CLPSL2: variants seen among roughly 807,000 people sequenced by gnomAD.
CLPSL2 encodes the protein colipase-like protein 2.
Under a neutral mutation model 7.9 loss-of-function variants are expected in CLPSL2, and 4 were observed. The ratio of observed to expected loss-of-function variants is 0.50; its 90% CI spans 0.25 to 1.15. The LOEUF (loss-of-function observed/expected upper bound fraction) is 1.15. Ranked by LOEUF, CLPSL2 falls within the 50% of genes most tolerant of loss-of-function variation. CLPSL2 has a pLI of 0.15. For synonymous variants in CLPSL2, 67 were observed against 53.1 expected (o/e 1.26, Z -1.14); for missense variants, 132 against 136.6 (o/e 0.97, Z 0.17).
Position 35,776,709 on chromosome 6 carries a change from C to T in CLPSL2, c.84+7C>T, listed in dbSNP as rs1333805286. On this transcript the variant is annotated splice_region_variant and intron_variant, in intron 1 of 2. Coordinates refer to ENST00000403376, the MANE Select transcript of CLPSL2 (RefSeq NM_207409.4). ...GCTTCCGCAATATAAAAAGGTGAGC[C>T]GGGGAGCGCGCCCAGCCGGCCGCGA... 1.1e-4 allele frequency: 146 copies of T among 1,386,666 alleles called. No individual in the cohort carries two copies. The highest frequency in any genetic ancestry group is 1.3e-4 in the Non-Finnish European group (137 of 1,074,914). The allele number at this position is 1,386,666 out of a possible 1,614,324, so 85.9% of individuals were successfully genotyped here.
At chr6:35,778,602 T>C (rs547713741) in intron 2 of CLPSL2, among the ~76,000 whole-genome samples, 2 of 152,316 alleles carry the variant, frequency 1.3e-5, no homozygotes, top group South Asian at 2.1e-4. Context: ...TGGTTGTCAC[T>C]CGCTTTTAGG....
intron 1 of CLPSL2, 115 bp downstream of exon 1, chr6:35,776,817 C>A: frequency 1.1e-6 from 1 of 945,400 alleles, no homozygotes; most frequent in Non-Finnish European, 1.4e-6. Context: ...GGGTCCGGAA[C>A]CACACCCAGG....
intron 2 of CLPSL2, 90 bp downstream of exon 2, chr6:35,777,671 C>A (rs1767871849): frequency 1.4e-6 from 2 of 1,407,140 alleles, no homozygotes; most frequent in Non-Finnish European, 1.9e-6. Flanking sequence ...TGTTTTTTCA[C>A]CTCTGTCTGG....
At position 35,776,608 on chromosome 6, in the gene CLPSL2, C is replaced by G; in HGVS notation, c.-11C>G. On this transcript the variant is annotated 5_prime_UTR_variant, in exon 1 of 3. Transcript: ENST00000403376. ...CCTCGGAACCCCGCCGCTGCTCTGC[C>G]GCCCAGGCCCATGGCCGCAGCCCTG... The G allele has an allele frequency of 1.3e-6, 2 of 1,497,918 alleles. No individual in the cohort carries two copies. The highest frequency in any genetic ancestry group is 1.8e-6 in the Non-Finnish European group (2 of 1,130,494). 92.8% of individuals were successfully genotyped at this position (1,497,918 alleles called of 1,614,324 possible).
chr6:35,777,203 C>A (rs1236918851), intron 1 of CLPSL2, among the ~76,000 whole-genome samples: 1 of 151,870 alleles, frequency 6.6e-6, no homozygotes, highest in Non-Finnish European at 1.5e-5. Context: ...CCATGGGACT[C>A]ATGGAGGTGA....
intron 2 of CLPSL2, chr6:35,777,848 C>T (rs1368925276): frequency 1.4e-6 from 1 of 717,736 alleles, no homozygotes; most frequent in Non-Finnish European, 2.6e-6. Flanking sequence ...CTGCCTCTCC[C>T]AGTGGTTGGA....
intron 2 of CLPSL2, chr6:35,777,940 A>C: frequency 1.4e-6 from 1 of 716,656 alleles, no homozygotes; most frequent in Non-Finnish European, 2.6e-6. Flanking sequence ...GTAGGTGCTC[A>C]ATAAATGCTT....
At position 35,779,494 on chromosome 6, in the gene CLPSL2, C is replaced by G; in HGVS notation, c.*44C>G. On this transcript the variant is annotated 3_prime_UTR_variant, in exon 3 of 3. Coordinates refer to ENST00000403376, the MANE Select transcript of CLPSL2 (RefSeq NM_207409.4). The stretch of plus-strand genomic sequence containing the variant: ...CACTGCTCCCTTGGGGCCATAGGCC[C>G]TGGTTGCCACCAACTTGCTCCAAAT... 6.4e-7 allele frequency: 1 copy of G among 1,553,558 alleles called. No homozygotes were observed.
chr6:35,777,317 G>T (rs1418174204), intron 1 of CLPSL2, 142 bp from the exon 2 acceptor site: 4 of 882,470 alleles, frequency 4.5e-6, no homozygotes, highest in Non-Finnish European at 6.9e-6. Flanking sequence ...GCTGGGGGGG[G>T]AACCAGCCCC....
In CLPSL2 at chr6:35,779,463, G is replaced by A. The variant is rs1373831376; in HGVS notation, c.*13G>A. The A allele has an allele frequency of 6.4e-7, 1 of 1,564,094 alleles. No individual in the cohort carries two copies. Among genetic ancestry groups the A allele is most frequent in the African/African-American group, 1.4e-5 (1 of 73,750 alleles). ...CCATATGATTTAGAGGAAGATGCAGGCTGGTCACTGCTCCCTTGGGGCCAT... is the reference window on the plus strand; with the variant it reads ...CCATATGATTTAGAGGAAGATGCAGACTGGTCACTGCTCCCTTGGGGCCAT... On this transcript the variant is annotated 3_prime_UTR_variant, in exon 3 of 3. Transcript: ENST00000403376.
intron 1 of CLPSL2, among the ~76,000 whole-genome samples, chr6:35,776,959 C>T (rs1406388942): frequency 6.6e-6 from 1 of 152,138 alleles, no homozygotes; most frequent in African/African-American, 2.4e-5. Flanking sequence ...GTGCCCCTTC[C>T]GATGGCCTCA....
At position 35,777,456 on chromosome 6, in the gene CLPSL2, C is replaced by G. The variant is rs760208842; in HGVS notation, c.85-3C>G. The G allele has an allele frequency of 3.1e-6, 5 of 1,613,400 alleles. No individual in the cohort carries two copies. The highest frequency in any genetic ancestry group is 4.2e-6 in the Non-Finnish European group (5 of 1,179,694). On this transcript the variant is annotated splice_region_variant and splice_polypyrimidine_tract_variant and intron_variant, in intron 1 of 2. Transcript: ENST00000403376. Reference sequence around the variant, plus strand: ...CTGGCAGACATTCTGCCTGTCCCCACAGAAAATCACAGACAGGTGCTTCCA... The same window carrying G: ...CTGGCAGACATTCTGCCTGTCCCCAGAGAAAATCACAGACAGGTGCTTCCA...
intron 2 of CLPSL2, among the ~76,000 whole-genome samples, chr6:35,778,158 G>C (rs1254319384): frequency 1.3e-5 from 2 of 152,168 alleles, no homozygotes; most frequent in Non-Finnish European, 2.9e-5. Flanking sequence ...GTTTTGCCAT[G>C]TTGGCCAAGC....
chr6:35,777,719 C>A, intron 2 of CLPSL2, 138 bp downstream of exon 2: 1 of 1,034,240 alleles, frequency 9.7e-7, no homozygotes, highest in Non-Finnish European at 1.4e-6. Flanking sequence ...AACTCCTACT[C>A]ATGGTGCAAA....
rs755424623 is a variant in CLPSL2 at position 35,777,508 on chromosome 6, G to T, written c.134G>T (p.Cys45Phe). The T allele has an allele frequency of 6.2e-7, 1 of 1,613,744 alleles. No individual in the cohort carries two copies. Among genetic ancestry groups the T allele is most frequent in the Admixed American group, 1.7e-5 (1 of 60,018 alleles). ...CACTCTGAGTGCTACAGTGGCTGCT[G>T]CCTCATGGACTTGGACTCCGGTGGA... ...FHHSECYSGC[C>F]LMDLDSGGAF... Residue 45 changes from cysteine to phenylalanine, a missense_variant, in exon 2 of 3, where the codon TGC becomes TTC. Transcript: ENST00000403376.
At chr6:35,778,128 G>C (rs1048386423) in intron 2 of CLPSL2, among the ~76,000 whole-genome samples, 1 of 152,066 alleles carries the variant, frequency 6.6e-6, no homozygotes, top group Non-Finnish European at 1.5e-5. Context: ...GCTAATTTTC[G>C]TATCTTTGGT....
chr6:35,776,737 G>T, intron 1 of CLPSL2, 35 bp downstream of exon 1: 3 of 1,354,560 alleles, frequency 2.2e-6, no homozygotes, highest in African/African-American at 1.5e-5. Flanking sequence ...GGCCGCGACC[G>T]CAGGAGAGGG....
rs1289343458 is a variant in CLPSL2, at chr6:35,777,686, C to T, written c.207+105C>T. ...TGTTTTTTCACCTCTGTCTGGAGTG[C>T]CCTTCTTCTTCTCCACTTGGCAAAC... On this transcript the variant is annotated intron_variant, in intron 2 of 2. Coordinates refer to ENST00000403376, the MANE Select transcript of CLPSL2 (RefSeq NM_207409.4). 3.1e-6 allele frequency: 4 copies of T among 1,305,960 alleles called. No homozygotes were observed. The African/African-American group carries it at 4.5e-5, about 15-fold the overall frequency. The allele number at this position is 1,305,960 out of a possible 1,614,324, so 80.9% of individuals were successfully genotyped here. A position where few individuals can be genotyped will look rare whatever the true frequency, so the allele number is the denominator to read the frequency against.
chr6:35,779,496 G>A lies in CLPSL2; in HGVS notation c.*46G>A. On this transcript the variant is annotated 3_prime_UTR_variant, in exon 3 of 3. Coordinates refer to ENST00000403376, the MANE Select transcript of CLPSL2 (RefSeq NM_207409.4). The stretch of plus-strand genomic sequence containing the variant: ...CTGCTCCCTTGGGGCCATAGGCCCT[G>A]GTTGCCACCAACTTGCTCCAAATCC... The A allele has an allele frequency of 6.4e-7, 1 of 1,553,396 alleles. No individual in the cohort carries two copies. Among genetic ancestry groups the A allele is most frequent in the Middle Eastern group, 1.7e-4 (1 of 5,990 alleles).
Sources: allele counts gnomAD v4.1 joint callset (sites outside exome capture counted in the v4.1 genomes callset), GRCh38; gene constraint gnomAD v4.1.1; transcripts MANE v1.5; gene names NCBI Gene and HGNC (gene_info 2026-07-23, HGNC 2026-07-21).